The following SLC25A48 variants were observed in gnomAD, a reference collection of about 807,000 sequenced individuals.
The protein encoded by SLC25A48 is solute carrier family 25 member 48.
In SLC25A48, 29 loss-of-function variants were observed where a neutral mutation model predicts 32.2. The observed-to-expected ratio is 0.90, with a 90% CI of 0.67 to 1.23. The LOEUF is 1.23. Among genes scored for constraint, SLC25A48 ranks in the 50% most tolerant of loss-of-function variants. The probability of loss-of-function intolerance (pLI) is 0.00; values close to 1 mark genes in which losing one functional copy is unlikely to be tolerated. For synonymous variants in SLC25A48, 164 were observed against 172.3 expected (o/e 0.95, Z 0.38); for missense variants, 399 against 422.7 (o/e 0.94, Z 0.49).
chr5:135,785,149 AT>A (rs758337008), intron 3 of SLC25A48, among the ~76,000 whole-genome samples: 18 of 152,156 alleles, frequency 1.2e-4, no homozygotes, highest in Admixed American at 7.2e-4. Flanking sequence ...CCCTTATCAG[AT>A]TGTTCGTAAT....
intron 3 of SLC25A48, among the ~76,000 whole-genome samples, chr5:135,718,110 C>T (rs1445107578): frequency 2.0e-5 from 3 of 151,918 alleles, no homozygotes; most frequent in South Asian, 2.1e-4. Context: ...TGGGTTCAAG[C>T]GACTCTCCTT....
intron 4 of SLC25A48, among the ~76,000 whole-genome samples, chr5:135,820,004 A>G (rs1433086165): frequency 6.6e-6 from 1 of 152,160 alleles, no homozygotes; most frequent in African/African-American, 2.4e-5. Flanking sequence ...CATAAAATGG[A>G]AACAGTTTGG....
At chr5:135,805,384 C>T (rs1264412496) in intron 3 of SLC25A48, among the ~76,000 whole-genome samples, 1 of 151,470 alleles carries the variant, frequency 6.6e-6, no homozygotes, top group Non-Finnish European at 1.5e-5. Flanking sequence ...CCTTTGTGTA[C>T]ACCCTGAAAT....
At chr5:135,874,629 A>T (rs545181967) in intron 6 of SLC25A48, 1 of 690,958 alleles carries the variant, frequency 1.4e-6, no homozygotes, top group Non-Finnish European at 2.6e-6. Flanking sequence ...CTCCCACCTG[A>T]GCCCTGACCC....
intron 3 of SLC25A48, among the ~76,000 whole-genome samples, chr5:135,747,516 A>G (rs1342746055): frequency 6.6e-6 from 1 of 152,136 alleles, no homozygotes; most frequent in African/African-American, 2.4e-5. Context: ...AAGATATTTC[A>G]GTCATCCCTT....
Position 135,763,754 on chromosome 5 carries a change from A to AACACACACACACACAC in SLC25A48, c.-520-48760_-520-48759insCACACACACACACACA, listed in dbSNP as rs747888245. ...GTGCTTAGGAAACCGGAGAAATAGG[A>AACACACACACACACAC]ACACACACATACACACACACACACA... On this transcript the variant is annotated intron_variant, in intron 3 of 10. Transcript: ENST00000646290. Among the ~76,000 whole-genome samples, 974 of 145,952 alleles carry AACACACACACACACAC rather than the reference A, an allele frequency of 6.7e-3. 6 individuals carry two copies. The highest frequency in any genetic ancestry group is 0.01 in the Middle Eastern group (3 of 288).
At chr5:135,667,927 C>T (rs867760751) in intron 3 of SLC25A48, among the ~76,000 whole-genome samples, 12 of 152,336 alleles carry the variant, frequency 7.9e-5, no homozygotes, top group Middle Eastern at 6.8e-3. Flanking sequence ...ACGCCTTAGT[C>T]TCACCTGTGG....
At chr5:135,614,094 G>A (rs1580724321) in intron 1 of SLC25A48, among the ~76,000 whole-genome samples, 1 of 152,044 alleles carries the variant, frequency 6.6e-6, no homozygotes, top group Non-Finnish European at 1.5e-5. Flanking sequence ...CTTTCCATTT[G>A]TTGTGTCCTC....
intron 3 of SLC25A48, among the ~76,000 whole-genome samples, chr5:135,801,627 C>T (rs1757329359): frequency 6.6e-6 from 1 of 150,676 alleles, no homozygotes; most frequent in South Asian, 2.1e-4. Context: ...TTCATAATAT[C>T]CAGGAGGGGA....
intron 4 of SLC25A48, among the ~76,000 whole-genome samples, chr5:135,857,081 G>T (rs185229947): frequency 9.5e-4 from 145 of 152,312 alleles, no homozygotes; most frequent in African/African-American, 3.4e-3. Flanking sequence ...ATCTGTTGGG[G>T]GCCCTCACCC....
chr5:135,752,455 T>C (rs952232849), intron 3 of SLC25A48, among the ~76,000 whole-genome samples: 2 of 152,184 alleles, frequency 1.3e-5, no homozygotes, highest in Non-Finnish European at 2.9e-5. Context: ...ATATTACAAA[T>C]AGTATCACAA....
chr5:135,661,706 TA>T (rs1753400818), intron 3 of SLC25A48, among the ~76,000 whole-genome samples: 1 of 152,200 alleles, frequency 6.6e-6, no homozygotes, highest in Admixed American at 6.5e-5. Flanking sequence ...CATTCATATA[TA>T]AACAATAATG....
chr5:135,746,987 A>ATTTT (rs199973261), intron 3 of SLC25A48, among the ~76,000 whole-genome samples: 10 of 77,334 alleles, frequency 1.3e-4, no homozygotes, highest in Non-Finnish European at 2.1e-4. Context: ...CAGGTTAAGT[A>ATTTT]TTTTTTGTTG....
intron 3 of SLC25A48, among the ~76,000 whole-genome samples, chr5:135,692,119 C>A (rs567824845): frequency 2.0e-5 from 3 of 152,230 alleles, no homozygotes; most frequent in East Asian, 3.9e-4. Context: ...AGATCGAGAC[C>A]ATTCTGGCTA....
chr5:135,741,065 A>G (rs748268669), intron 3 of SLC25A48, among the ~76,000 whole-genome samples: 3 of 152,242 alleles, frequency 2.0e-5, no homozygotes, highest in Non-Finnish European at 4.4e-5. Flanking sequence ...GTCAGGCCCT[A>G]TGCTAAGTGC....
At chr5:135,845,936 T>C (rs2126716120) in intron 2 of SLC25A48, among the ~76,000 whole-genome samples, 1 of 152,286 alleles carries the variant, frequency 6.6e-6, no homozygotes, top group African/African-American at 2.4e-5. Flanking sequence ...CTAGGTTTTC[T>C]AGTCAGGGCT....
chr5:135,823,427 C>T (rs1757942699), intron 4 of SLC25A48, among the ~76,000 whole-genome samples: 1 of 152,190 alleles, frequency 6.6e-6, no homozygotes, highest in Non-Finnish European at 1.5e-5. Context: ...CGTGACTTCT[C>T]CCTCCTATCA....
chr5:135,781,546 G>A lies in SLC25A48; in HGVS notation c.-520-30977G>A, dbSNP rs753323510. The stretch of plus-strand genomic sequence containing the variant: ...GATATTGTTCCTAATATCAAAAGGC[G>A]GAAGTATGATACTATTCCCAATATC... On this transcript the variant is annotated intron_variant, in intron 3 of 10. Transcript: ENST00000646290. Among the ~76,000 whole-genome samples the A allele has an allele frequency of 1.4e-4, 17 of 117,380 alleles. 6 individuals carry two copies. The highest frequency in any genetic ancestry group is 2.6e-4 in the Admixed American group (3 of 11,508). The allele number at this position is 117,380 out of a possible 152,430, so 77.0% of individuals were successfully genotyped here.
intron 3 of SLC25A48, among the ~76,000 whole-genome samples, chr5:135,661,534 A>G (rs558969706): frequency 6.6e-6 from 1 of 152,248 alleles, no homozygotes; most frequent in East Asian, 1.9e-4. Context: ...TAAATCCCAC[A>G]AAAAACATGG....
Sources: allele counts gnomAD v4.1 joint callset (sites outside exome capture counted in the v4.1 genomes callset), GRCh38; gene constraint gnomAD v4.1.1; transcripts MANE v1.5; gene names NCBI Gene and HGNC (gene_info 2026-07-23, HGNC 2026-07-21).